The following PCDHA6 variants were observed in gnomAD, a reference collection of about 807,000 sequenced individuals.
PCDHA6 encodes protocadherin alpha-6.
In PCDHA6, 55 loss-of-function variants were observed where a neutral mutation model predicts 60.3. The ratio of observed to expected loss-of-function variants is 0.91; its 90% CI spans 0.73 to 1.14. The LOEUF is 1.14. Among genes scored for constraint, PCDHA6 ranks in the 50% most tolerant of loss-of-function variants. PCDHA6 has a pLI of 0.00. For missense variants in PCDHA6, 1,327 were observed against 1,256.5 expected (o/e 1.06, Z -0.85); for synonymous variants, 652 against 557.9 (o/e 1.17, Z -2.38).
At chr5:140,957,398 TTTA>T (rs2095356378) in intron 1 of PCDHA6, among the ~76,000 whole-genome samples, 1 of 152,304 alleles carries the variant, frequency 6.6e-6, no homozygotes, top group South Asian at 2.1e-4. Context: ...ATTGTCCTAA[TTTA>T]TTATTATTGT....
intron 3 of PCDHA6, among the ~76,000 whole-genome samples, chr5:140,986,174 A>G (rs896771813): frequency 1.3e-5 from 2 of 152,238 alleles, no homozygotes; most frequent in Admixed American, 6.5e-5. Flanking sequence ...CAGGATAAAC[A>G]AGTCAGGCAT....
Position 140,835,521 on chromosome 5 carries a change from G to A in PCDHA6, c.2394+5036G>A, listed in dbSNP as rs2150237469. The A allele has an allele frequency of 6.2e-6, 10 of 1,613,816 alleles. No homozygotes were observed. In the Admixed American group the frequency reaches 1.7e-4, roughly 27 times the overall value. On this transcript the variant is annotated intron_variant, in intron 1 of 3. Coordinates refer to ENST00000529310, the MANE Select transcript of PCDHA6 (RefSeq NM_018909.4). ...GATTAGCGTGTTTGACCGAGATTTT[G>A]GAGTCAACGGACAGGTTACCTGCTC...
At chr5:141,009,577 C>T in intron 3 of PCDHA6, 50 bp from the exon 4 acceptor site, 1 of 1,584,324 alleles carries the variant, frequency 6.3e-7, no homozygotes, top group South Asian at 1.2e-5. Flanking sequence ...AGTGTGGCAT[C>T]AAGAGCATGT....
rs2150358815 is a variant in PCDHA6 at position 140,843,384 on chromosome 5, G to A, written c.2394+12899G>A. The A allele has an allele frequency of 2.5e-6, 4 of 1,596,128 alleles. No individual in the cohort carries two copies. The Admixed American group carries it at 6.7e-5, about 27-fold the overall frequency. On this transcript the variant is annotated intron_variant, in intron 1 of 3. Coordinates refer to ENST00000529310, the MANE Select transcript of PCDHA6 (RefSeq NM_018909.4). ...TCGAGGCAGTCGGCTGGCGTTTTGG[G>A]TCCGGAAGCGGCGCTGGTGGATGTC...
At chr5:140,926,854 G>C (rs1554203742) in intron 1 of PCDHA6, 3 of 1,520,530 alleles carry the variant, frequency 2.0e-6, no homozygotes, top group South Asian at 2.6e-5. Flanking sequence ...GTCACCGTTG[G>C]TGTAGCGTGT....
chr5:140,878,784 C>T (rs2057723762), intron 1 of PCDHA6, among the ~76,000 whole-genome samples: 1 of 152,156 alleles, frequency 6.6e-6, no homozygotes, highest in Non-Finnish European at 1.5e-5. Flanking sequence ...AGTATATGTT[C>T]AATCACTTTT....
intron 1 of PCDHA6, chr5:140,967,461 G>A (rs782466677): frequency 6.8e-6 from 11 of 1,613,572 alleles, no homozygotes; most frequent in Non-Finnish European, 8.5e-6. Context: ...GCCGTGGATG[G>A]GGGCATCCCA....
At chr5:140,871,523 G>T in intron 1 of PCDHA6, 1 of 1,546,536 alleles carries the variant, frequency 6.5e-7, no homozygotes, top group Non-Finnish European at 8.7e-7. Context: ...CCACCTATCA[G>T]GAAGTGTATG....
chr5:140,976,354 C>A (rs1331334402), intron 1 of PCDHA6, among the ~76,000 whole-genome samples: 2 of 151,960 alleles, frequency 1.3e-5, no homozygotes, highest in Non-Finnish European at 2.9e-5. Context: ...TGTTCAAGAC[C>A]AGCCTGGCCA....
At position 140,982,478 on chromosome 5, in the gene PCDHA6, T is replaced by C; in HGVS notation, c.2457T>C (p.Ser819=). ...CTGGGTCTGTGTGTTTATTCAGCTCTGTGCACCTAGAGGAGGCTGGCATTC... is the reference window on the plus strand; with the variant it reads ...CTGGGTCTGTGTGTTTATTCAGCTCCGTGCACCTAGAGGAGGCTGGCATTC... ...SASLRAGMHS[S]VHLEEAGILR... Residue 819 remains serine (S), a synonymous_variant, in exon 3 of 4, where the codon TCT becomes TCC. Coordinates refer to ENST00000529310, the MANE Select transcript of PCDHA6 (RefSeq NM_018909.4). 1 of 1,614,192 alleles carries C rather than the reference T, an allele frequency of 6.2e-7. No individual in the cohort carries two copies. The highest frequency in any genetic ancestry group is 2.2e-5 in the East Asian group (1 of 44,884).
intron 1 of PCDHA6, among the ~76,000 whole-genome samples, chr5:140,916,315 A>C (rs1554197391): frequency 3.9e-5 from 6 of 152,204 alleles, no homozygotes; most frequent in Non-Finnish European, 8.8e-5. Context: ...GGTGCAAGAC[A>C]AAGTCCCCTT....
intron 1 of PCDHA6, chr5:140,968,901 T>A (rs1321022294): frequency 6.2e-7 from 1 of 1,614,106 alleles, no homozygotes; most frequent in Non-Finnish European, 8.5e-7. Flanking sequence ...ATAATAGCAT[T>A]AAGCACAGTG....
chr5:140,839,165 G>GA (rs2150295216), intron 1 of PCDHA6, among the ~76,000 whole-genome samples: 88,383 of 151,582 alleles, frequency 0.58, 26,857 homozygotes, highest in African/African-American at 0.73. Context: ...CTTGTTGAAA[G>GA]ATATTCAGTT....
At chr5:140,897,712 G>A (rs1180745180) in intron 1 of PCDHA6, among the ~76,000 whole-genome samples, 3 of 152,162 alleles carry the variant, frequency 2.0e-5, no homozygotes, top group African/African-American at 7.2e-5. Context: ...CCAGTAATGG[G>A]ATGGCTGGGT....
At chr5:140,863,771 G>A (rs557463364) in intron 1 of PCDHA6, 111 of 240,518 alleles carry the variant, frequency 4.6e-4, no homozygotes, top group Non-Finnish European at 7.8e-4. Context: ...AGCCGAGGCG[G>A]GCGGATCACT....
At position 140,874,324 on chromosome 5, in the gene PCDHA6, C is replaced by A. The variant is rs1369470009; in HGVS notation, c.2394+43839C>A. On this transcript the variant is annotated intron_variant, in intron 1 of 3. Transcript: ENST00000529310. Reference sequence around the variant, plus strand: ...TTCACAATGAGTTGTAGGATCTTATCTGTTTTTTTCTCTTAAAGCTGATCT... The same window carrying A: ...TTCACAATGAGTTGTAGGATCTTATATGTTTTTTTCTCTTAAAGCTGATCT... Among the ~76,000 whole-genome samples the A allele has an allele frequency of 2.6e-5, 4 of 151,652 alleles. No individual in the cohort carries two copies. In the East Asian group the frequency reaches 7.7e-4, roughly 29 times the overall value.
At chr5:140,946,342 A>G (rs2093932164) in intron 1 of PCDHA6, among the ~76,000 whole-genome samples, 1 of 151,846 alleles carries the variant, frequency 6.6e-6, no homozygotes, top group African/African-American at 2.4e-5. Context: ...CAAGTGATGG[A>G]GAGGATGTGG....
chr5:140,989,010 A>G (rs2097325577), intron 3 of PCDHA6: 1 of 152,226 alleles, frequency 6.6e-6, no homozygotes, highest in Non-Finnish European at 1.5e-5. Context: ...GAGACTTATT[A>G]TAGTTTCTTC....
chr5:140,905,396 C>T (rs913640299), intron 1 of PCDHA6, among the ~76,000 whole-genome samples: 1 of 152,080 alleles, frequency 6.6e-6, no homozygotes, highest in Non-Finnish European at 1.5e-5. Flanking sequence ...GGTCTGTGTG[C>T]CTATTTTTAT....
Sources: gnomAD v4.1 joint callset for allele counts (sites outside exome capture counted in the v4.1 genomes callset) on GRCh38, gnomAD v4.1.1 for gene constraint, MANE v1.5 for transcripts, NCBI Gene and HGNC (gene_info 2026-07-23, HGNC 2026-07-21) for gene names.